The following IKZF2 variants were observed in gnomAD, a reference collection of about 807,000 sequenced individuals.
The protein encoded by IKZF2 is IKAROS family zinc finger 2.
A neutral mutation model predicts 49.2 loss-of-function variants in IKZF2; 15 were observed. The ratio of observed to expected loss-of-function variants is 0.30; its 90% CI spans 0.20 to 0.47. The LOEUF (loss-of-function observed/expected upper bound fraction) is 0.47. Among genes scored for constraint, IKZF2 ranks in the 20% least tolerant of loss-of-function variants. The probability of loss-of-function intolerance (pLI) is 1.00; values close to 1 mark genes in which losing one functional copy is unlikely to be tolerated. For synonymous variants in IKZF2, 227 were observed against 221.4 expected (o/e 1.03, Z -0.23); for missense variants, 567 against 664.6 (o/e 0.85, Z 1.61).
At chr2:213,066,994 C>T (rs1470286000) in intron 4 of IKZF2, among the ~76,000 whole-genome samples, 1 of 152,016 alleles carries the variant, frequency 6.6e-6, no homozygotes, top group African/African-American at 2.4e-5. Context: ...AGCATGCAAT[C>T]ACTTAAAGCA....
Position 213,013,958 on chromosome 2 carries a change from C to A in IKZF2, c.713-24G>T, listed in dbSNP as rs780933314. 1.9e-5 allele frequency: 30 copies of A among 1,604,582 alleles called. No individual in the cohort carries two copies. The African/African-American group carries it at 3.8e-4, about 20-fold the overall frequency. ...TACTATACAAAACCATAGAAAAATG[C>A]AATCTGATAATTTCTTCAACATTTT... On this transcript the variant is annotated intron_variant, in intron 7 of 8. Coordinates refer to ENST00000434687, the MANE Select transcript of IKZF2 (RefSeq NM_001387220.1).
intron 6 of IKZF2, among the ~76,000 whole-genome samples, chr2:213,025,822 C>A (rs954727177): frequency 6.6e-6 from 1 of 152,112 alleles, no homozygotes; most frequent in African/African-American, 2.4e-5. Flanking sequence ...ACAATGCACC[C>A]ACTTCTGTTA....
intron 4 of IKZF2, among the ~76,000 whole-genome samples, chr2:213,132,625 C>T (rs2060511423): frequency 6.6e-6 from 1 of 152,092 alleles, no homozygotes; most frequent in South Asian, 2.1e-4. Context: ...CAGAGCTATA[C>T]TAGGAATTCA....
intron 4 of IKZF2, among the ~76,000 whole-genome samples, chr2:213,084,586 G>C (rs1282735833): frequency 7.9e-6 from 1 of 126,812 alleles, no homozygotes; most frequent in Non-Finnish European, 1.6e-5. Context: ...ATGTATCTAT[G>C]TCACTCTAAA....
At chr2:213,024,514 T>C (rs1697595068) in intron 6 of IKZF2, among the ~76,000 whole-genome samples, 2 of 152,112 alleles carry the variant, frequency 1.3e-5, no homozygotes, top group African/African-American at 4.8e-5. Flanking sequence ...GGTGGTGTAG[T>C]ATAACATGGG....
At chr2:213,095,693 A>G (rs1705894511) in intron 4 of IKZF2, among the ~76,000 whole-genome samples, 1 of 152,062 alleles carries the variant, frequency 6.6e-6, no homozygotes, top group Non-Finnish European at 1.5e-5. Context: ...TTATGGTAGA[A>G]ATGTGTGTTA....
chr2:213,008,907 A>AT (rs1371833399), intron 8 of IKZF2, among the ~76,000 whole-genome samples: 1 of 152,088 alleles, frequency 6.6e-6, no homozygotes, highest in African/African-American at 2.4e-5. Flanking sequence ...CATTCTGGAG[A>AT]TTTTTTAAAA....
Position 213,064,972 on chromosome 2 carries a change from G to T in IKZF2, c.140-7873C>A, listed in dbSNP as rs574831818. Among the ~76,000 whole-genome samples the T allele has an allele frequency of 7.0e-4, 107 of 152,082 alleles. 2 individuals are homozygous for T. The South Asian group carries it at 0.021, about 30-fold the overall frequency. On this transcript the variant is annotated intron_variant, in intron 4 of 8. Coordinates refer to ENST00000434687, the MANE Select transcript of IKZF2 (RefSeq NM_001387220.1). ...CTACTGCCTACACATTAAATACAAAGGTATTGGTATGGAATTTAAGAATAT... is the reference window on the plus strand; with the variant it reads ...CTACTGCCTACACATTAAATACAAATGTATTGGTATGGAATTTAAGAATAT...
rs559622824 is a variant in IKZF2, at chr2:213,144,978, G to C, written c.139+2730C>G. On this transcript the variant is annotated intron_variant, in intron 4 of 8. Transcript: ENST00000434687. ...CTCTATTCTAGCACTGTCAAATAATGATAGCTGCCGTCATTATTTTTATAC... is the reference window on the plus strand; with the variant it reads ...CTCTATTCTAGCACTGTCAAATAATCATAGCTGCCGTCATTATTTTTATAC... Among the ~76,000 whole-genome samples the C allele has an allele frequency of 2.0e-5, 3 of 151,758 alleles. No homozygotes were observed. The South Asian group carries it at 6.2e-4, about 32-fold the overall frequency.
chr2:213,093,458 C>A (rs951451197), intron 4 of IKZF2, among the ~76,000 whole-genome samples: 1 of 152,146 alleles, frequency 6.6e-6, no homozygotes, highest in East Asian at 1.9e-4. Context: ...CTCCTTACCT[C>A]CTCTATAGTT....
intron 4 of IKZF2, among the ~76,000 whole-genome samples, chr2:213,073,351 G>C (rs1313717925): frequency 6.6e-6 from 1 of 152,112 alleles, no homozygotes; most frequent in East Asian, 1.9e-4. Flanking sequence ...TAGTGTCTCA[G>C]TTTCCCAATA....
At chr2:213,098,368 G>A (rs1706259837) in intron 4 of IKZF2, among the ~76,000 whole-genome samples, 1 of 152,014 alleles carries the variant, frequency 6.6e-6, no homozygotes, top group Non-Finnish European at 1.5e-5. Context: ...AGGTTTGAAT[G>A]TACATTATAT....
At chr2:213,032,763 A>G (rs1179722580) in intron 6 of IKZF2, among the ~76,000 whole-genome samples, 1 of 152,034 alleles carries the variant, frequency 6.6e-6, no homozygotes, top group Admixed American at 6.6e-5. Flanking sequence ...GAGCCTTCAG[A>G]CTCATCATCT....
chr2:213,060,404 G>A (rs1399962742), intron 4 of IKZF2, among the ~76,000 whole-genome samples: 1 of 151,200 alleles, frequency 6.6e-6, no homozygotes, highest in African/African-American at 2.4e-5. Flanking sequence ...ATTAACCACT[G>A]TACAATAATA....
At chr2:213,019,820 G>C (rs190126995) in intron 7 of IKZF2, among the ~76,000 whole-genome samples, 3 of 152,100 alleles carry the variant, frequency 2.0e-5, no homozygotes, top group Non-Finnish European at 2.9e-5. Context: ...TGGGGAATAG[G>C]GGGTAAGACT....
intron 6 of IKZF2, among the ~76,000 whole-genome samples, chr2:213,023,969 T>C (rs963386116): frequency 1.3e-5 from 2 of 152,164 alleles, no homozygotes; most frequent in East Asian, 1.9e-4. Context: ...TCCCCTTGGC[T>C]CACAACCCTC....
chr2:213,041,847 C>T (rs538004807), intron 6 of IKZF2, among the ~76,000 whole-genome samples: 6 of 152,086 alleles, frequency 3.9e-5, no homozygotes, highest in Non-Finnish European at 7.3e-5. Context: ...AATTCGGTTT[C>T]ATGAAAACTT....
rs530455649 is a variant in IKZF2, at chr2:213,073,236, T to C, written c.140-16137A>G. Among the ~76,000 whole-genome samples the C allele has an allele frequency of 2.1e-3, 323 of 152,268 alleles. 1 individual carries two copies. The highest frequency in any genetic ancestry group is 7.4e-3 in the African/African-American group (308 of 41,560). On this transcript the variant is annotated intron_variant, in intron 4 of 8. Transcript: ENST00000434687. ...GGAGCTAATATAGTTAATCTGGTACTAGAAACTGAGATACAATAAACCAAT... is the reference window on the plus strand; with the variant it reads ...GGAGCTAATATAGTTAATCTGGTACCAGAAACTGAGATACAATAAACCAAT...
At chr2:213,054,227 G>A (rs535499367) in intron 5 of IKZF2, among the ~76,000 whole-genome samples, 49 of 152,036 alleles carry the variant, frequency 3.2e-4, no homozygotes, top group African/African-American at 1.2e-3. Flanking sequence ...CTGGGCGACA[G>A]AGCAAGACTC....
Sources: gnomAD v4.1 joint callset for allele counts (sites outside exome capture counted in the v4.1 genomes callset) on GRCh38, gnomAD v4.1.1 for gene constraint, MANE v1.5 for transcripts, NCBI Gene and HGNC (gene_info 2026-07-23, HGNC 2026-07-21) for gene names.